JHY: variants seen among roughly 807,000 people sequenced by gnomAD.
JHY encodes the protein jhy protein homolog.
A neutral mutation model predicts 78.0 loss-of-function variants in JHY; 69 were observed. The ratio of observed to expected loss-of-function variants is 0.88; its 90% CI spans 0.73 to 1.08. The LOEUF is 1.08. Ranked by LOEUF, JHY falls within the 50% of genes least tolerant of loss-of-function variation. The pLI, the probability that JHY is intolerant of heterozygous loss-of-function variation, is 0.00. For synonymous variants in JHY, 368 were observed against 342.6 expected (o/e 1.07, Z -0.82); for missense variants, 944 against 927.8 (o/e 1.02, Z -0.23).
intron 2 of JHY, among the ~76,000 whole-genome samples, chr11:122,892,514 G>A (rs1862643825): frequency 6.6e-6 from 1 of 152,078 alleles, no homozygotes; most frequent in Non-Finnish European, 1.5e-5. Context: ...AGTAGAGACA[G>A]GGTTTCACCG....
intron 6 of JHY, among the ~76,000 whole-genome samples, chr11:122,953,955 G>GA (rs1864144015): frequency 6.6e-6 from 1 of 152,158 alleles, no homozygotes; most frequent in African/African-American, 2.4e-5. Flanking sequence ...TAGTGTAGAA[G>GA]TGTTGCCTAT....
intron 2 of JHY, among the ~76,000 whole-genome samples, chr11:122,888,894 ATGGTCTTGG>A (rs765550700): frequency 6.6e-6 from 1 of 152,188 alleles, no homozygotes; most frequent in Non-Finnish European, 1.5e-5. Flanking sequence ...GAACTAAGAC[ATGGTCTTGG>A]TTGAATATTG....
In JHY at chr11:122,959,538, C is replaced by T; in HGVS notation, c.*93C>T. 1 of 1,199,282 alleles carries T rather than the reference C, an allele frequency of 8.3e-7. No homozygotes were observed. The highest frequency in any genetic ancestry group is 2.3e-5 in the Admixed American group (1 of 43,112). 74.3% of individuals were successfully genotyped at this position (1,199,282 alleles called of 1,614,324 possible). The stretch of plus-strand genomic sequence containing the variant: ...ACCTTCTCTGCGTTGAGAGTAATGG[C>T]CTATTATTATCATCTATCTGCCGTC... On this transcript the variant is annotated 3_prime_UTR_variant, in exon 9 of 9. Coordinates refer to ENST00000227349, the MANE Select transcript of JHY (RefSeq NM_024806.4).
intron 5 of JHY, among the ~76,000 whole-genome samples, chr11:122,938,033 T>G (rs1025633150): frequency 6.6e-6 from 1 of 152,050 alleles, no homozygotes; most frequent in Non-Finnish European, 1.5e-5. Flanking sequence ...TTGTTTTTTG[T>G]TTTTTGTTTT....
At chr11:122,948,012 A>C (rs1864001919) in intron 6 of JHY, among the ~76,000 whole-genome samples, 1 of 152,090 alleles carries the variant, frequency 6.6e-6, no homozygotes, top group African/African-American at 2.4e-5. Context: ...TTTAGGGAGG[A>C]ACTCAGCTGT....
intron 6 of JHY, among the ~76,000 whole-genome samples, chr11:122,953,875 T>TA (rs1393958451): frequency 6.6e-6 from 1 of 152,226 alleles, no homozygotes; most frequent in Non-Finnish European, 1.5e-5. Flanking sequence ...GAATTAGAAT[T>TA]AGAGTATTGA....
intron 6 of JHY, among the ~76,000 whole-genome samples, chr11:122,949,524 A>C (rs1864041094): frequency 6.6e-6 from 1 of 152,174 alleles, no homozygotes; most frequent in African/African-American, 2.4e-5. Context: ...ACTAACGAGA[A>C]GAAAAAGAGG....
chr11:122,904,374 T>G lies in JHY; in HGVS notation c.794T>G (p.Leu265Ter), dbSNP rs914385292. Residue 265 changes from leucine to a stop codon, truncating the protein, a stop_gained, in exon 3 of 9, where the codon TTA becomes TGA. Transcript: ENST00000227349. LOFTEE classifies it high-confidence loss of function. ...FVEKNKLTLGLPTPKTDSYLQ... is the reference protein window; with the variant it reads ...FVEKNKLTLG The stretch of plus-strand genomic sequence containing the variant: ...GAAAAAAACAAGCTCACTTTGGGAT[T>G]ACCCACCCCGAAAACGGACTCTTAT... 2.2e-5 allele frequency: 36 copies of G among 1,613,990 alleles called. No homozygotes were observed. Among genetic ancestry groups the G allele is most frequent in the Non-Finnish European group, 2.9e-5 (34 of 1,180,032 alleles).
At chr11:122,911,861 C>G (rs999449075) in intron 3 of JHY, among the ~76,000 whole-genome samples, 5 of 116,610 alleles carry the variant, frequency 4.3e-5, no homozygotes. Context: ...ACTGAGATTG[C>G]GCCATTACAC....
chr11:122,932,692 C>A (rs905260872), intron 4 of JHY, among the ~76,000 whole-genome samples: 2 of 152,166 alleles, frequency 1.3e-5, no homozygotes, highest in African/African-American at 4.8e-5. Flanking sequence ...ATAAAAAGAG[C>A]TGCTATATTC....
chr11:122,956,811 G>A (rs186659760), intron 7 of JHY, among the ~76,000 whole-genome samples: 79 of 152,270 alleles, frequency 5.2e-4, no homozygotes, highest in East Asian at 1.7e-3. Flanking sequence ...TTGAAGGCCC[G>A]CACGGAAAAG....
intron 3 of JHY, among the ~76,000 whole-genome samples, chr11:122,923,100 C>T (rs1000055973): frequency 6.6e-6 from 1 of 152,194 alleles, no homozygotes; most frequent in Admixed American, 6.5e-5. Flanking sequence ...ACAGTCGGTC[C>T]TCTAAATAAG....
chr11:122,895,580 C>T (rs946882806), intron 2 of JHY, among the ~76,000 whole-genome samples: 11 of 152,190 alleles, frequency 7.2e-5, no homozygotes, highest in African/African-American at 2.2e-4. Context: ...AATATCATGG[C>T]ATATGCATGT....
chr11:122,947,498 C>T (rs907550238), intron 6 of JHY: 1 of 152,128 alleles, frequency 6.6e-6, no homozygotes, highest in Non-Finnish European at 1.5e-5. Context: ...AATGAAGGCG[C>T]CTAGGAAGGG....
rs1193545187 is a variant in JHY, at chr11:122,959,280, C to G, written c.2172C>G (p.Pro724=). 4 of 1,614,076 alleles carry G rather than the reference C, an allele frequency of 2.5e-6. No individual in the cohort carries two copies. The highest frequency in any genetic ancestry group is 3.4e-6 in the Non-Finnish European group (4 of 1,180,032). Reference sequence around the variant, plus strand: ...AATACGCTAAGACCATCCCCAAACCCAAACCATCAAATCTGACTCATCAAG... The same window carrying G: ...AATACGCTAAGACCATCCCCAAACCGAAACCATCAAATCTGACTCATCAAG... The part of the protein sequence containing the change: ...ALEYAKTIPK[P]KPSNLTHQAS... The change falls in exon 9 of 9, where the codon CCC becomes CCG. Residue 724 remains proline (P), a synonymous_variant. Transcript: ENST00000227349.
intron 5 of JHY, among the ~76,000 whole-genome samples, chr11:122,943,236 A>T (rs943180545): frequency 6.6e-6 from 1 of 152,266 alleles, no homozygotes; most frequent in Non-Finnish European, 1.5e-5. Context: ...ATTTGGAAGT[A>T]TGTTTATAAA....
chr11:122,891,963 C>A (rs1862624464), intron 2 of JHY, among the ~76,000 whole-genome samples: 1 of 152,038 alleles, frequency 6.6e-6, no homozygotes, highest in South Asian at 2.1e-4. Flanking sequence ...AAACTGAGGC[C>A]AGAGTAAATA....
intron 4 of JHY, chr11:122,927,030 A>G (rs1301971160): frequency 6.6e-6 from 1 of 152,264 alleles, no homozygotes; most frequent in African/African-American, 2.4e-5. Context: ...TGATCGAGGT[A>G]AAAAGCTTTG....
intron 4 of JHY, among the ~76,000 whole-genome samples, chr11:122,929,139 C>T (rs1303748504): frequency 1.3e-5 from 2 of 151,420 alleles, no homozygotes; most frequent in African/African-American, 2.4e-5. Context: ...GTTGGTCAGG[C>T]TGGCCTCGAA....
Sources: gnomAD v4.1 joint callset for allele counts (sites outside exome capture counted in the v4.1 genomes callset) on GRCh38, gnomAD v4.1.1 for gene constraint, MANE v1.5 for transcripts, NCBI Gene and HGNC (gene_info 2026-07-23, HGNC 2026-07-21) for gene names.